Variants in MMP25 observed in about 807,000 individuals in gnomAD.
The protein encoded by MMP25 is matrix metallopeptidase 25.
MMP25 carries 68 observed loss-of-function variants against 62.1 expected under a neutral mutation model. The observed-to-expected ratio is 1.10, with a 90% CI of 0.90 to 1.34. The LOEUF is 1.34. Ranked by LOEUF, MMP25 falls within the 40% of genes most tolerant of loss-of-function variation. The pLI, the probability that MMP25 is intolerant of heterozygous loss-of-function variation, is 0.00. For synonymous variants in MMP25, 407 were observed against 345.6 expected, an observed-to-expected ratio of 1.18 and a Z score of -1.97; for missense variants, 942 against 792.5, an observed-to-expected ratio of 1.19 and a Z score of -2.26.
chr16:3,057,462 G>A, intron 6 of MMP25, 68 bp downstream of exon 6: 3 of 1,596,248 alleles, frequency 1.9e-6, no homozygotes, highest in Admixed American at 3.3e-5. Context: ...TCTGAGATGG[G>A]GATGGTGGGG....
In MMP25 at chr16:3,047,563, C is replaced by T. The variant is rs1183115710; in HGVS notation, c.232+16C>T. 25 of 1,608,956 alleles carry T rather than the reference C, an allele frequency of 1.6e-5. No individual in the cohort carries two copies. Among genetic ancestry groups the T allele is most frequent in the Non-Finnish European group, 1.8e-5 (21 of 1,178,284 alleles). ...GGCCGCATGGGTAGGTGGCCCCCACCCCTCCCCAGCCCTGCCTCTGCACCC... is the reference window on the plus strand; with the variant it reads ...GGCCGCATGGGTAGGTGGCCCCCACTCCTCCCCAGCCCTGCCTCTGCACCC... On this transcript the variant is annotated intron_variant, in intron 2 of 9. Transcript: ENST00000336577.
chr16:3,048,916 C>T (rs2151152758), intron 2 of MMP25, among the ~76,000 whole-genome samples: 1 of 151,856 alleles, frequency 6.6e-6, no homozygotes, highest in East Asian at 1.9e-4. Flanking sequence ...AGTGATTCTC[C>T]TGCCTCAGCC....
intron 1 of MMP25, 38 bp downstream of exon 1, chr16:3,047,054 G>A (rs1955831710): frequency 2.1e-6 from 3 of 1,397,854 alleles, no homozygotes; most frequent in South Asian, 3.1e-5. Context: ...GGTCTGCAGA[G>A]AGATTGGGAG....
Position 3,046,992 on chromosome 16 carries a change from G to C in MMP25, c.75G>C (p.Ser25=). 4 of 1,468,916 alleles carry C rather than the reference G, an allele frequency of 2.7e-6. No individual in the cohort carries two copies. The highest frequency in any genetic ancestry group is 3.6e-6 in the Non-Finnish European group (4 of 1,118,140). The allele number at this position is 1,468,916 out of a possible 1,614,324, so 91.0% of individuals were successfully genotyped here. ...CGCCCGCGCGCGCCCCGAAGCCCTC[G>C]GCGCAGGACGTGAGCCTGGGCGTGG... is the stretch of plus-strand genomic sequence containing the variant. ...LAPPARAPKP[S]AQDVSLGVDW... The change falls in exon 1 of 10, where the codon TCG becomes TCC. Residue 25 remains serine (S), a synonymous_variant. Transcript: ENST00000336577.
rs1270452455 is a variant in MMP25 at position 3,059,113 on chromosome 16, C to T, written c.*15C>T. The stretch of plus-strand genomic sequence containing the variant: ...CCTCCCGCTGATGGGGGGAGCCATC[C>T]AGACCGAACAGCGCCCTCCACGGCC... On this transcript the variant is annotated 3_prime_UTR_variant, in exon 10 of 10. Transcript: ENST00000336577. 6.6e-7 allele frequency: 1 copy of T among 1,522,398 alleles called. No individual in the cohort carries two copies. Among genetic ancestry groups the T allele is most frequent in the African/African-American group, 1.4e-5 (1 of 72,762 alleles). 94.3% of individuals were successfully genotyped at this position (1,522,398 alleles called of 1,614,324 possible).
intron 2 of MMP25, among the ~76,000 whole-genome samples, chr16:3,049,365 C>T (rs1955865713): frequency 6.6e-6 from 1 of 152,202 alleles, no homozygotes; most frequent in African/African-American, 2.4e-5. Flanking sequence ...GGCCCTGTGT[C>T]TGTCCTGGTG....
At position 3,058,199 on chromosome 16, in the gene MMP25, T is replaced by G. The variant is rs1956046675; in HGVS notation, c.1025T>G (p.Leu342Arg). 1 of 1,612,724 alleles carries G rather than the reference T, an allele frequency of 6.2e-7. No homozygotes were observed. The highest frequency in any genetic ancestry group is 8.5e-7 in the Non-Finnish European group (1 of 1,179,448). Residue 342 changes from leucine (L) to arginine (R), a missense_variant, in exon 8 of 10, where the codon CTC becomes CGC. By Grantham distance (102) the Leu-to-Arg change is moderately radical. Coordinates refer to ENST00000336577, the MANE Select transcript of MMP25 (RefSeq NM_022468.5). The part of the protein sequence containing the change: ...FFFKGPWFWR[L>R]QPSGQLVSPR... ...CCTGCAGGCCCCTGGTTCTGGCGCC[T>G]CCAGCCCTCCGGACAGCTGGTGTCC...
chr16:3,047,280 G>C, intron 1 of MMP25, 135 bp from the exon 2 acceptor site: 11 of 1,337,312 alleles, frequency 8.2e-6, no homozygotes, highest in Non-Finnish European at 1.0e-5. Context: ...CTATGGAGGG[G>C]AGCAGGCAGG....
At chr16:3,057,860 T>C (rs1956040316) in intron 7 of MMP25, 1 of 584,844 alleles carries the variant, frequency 1.7e-6, no homozygotes, top group African/African-American at 1.9e-5. Flanking sequence ...CACCACGCCT[T>C]GCTAGTAATT....
intron 4 of MMP25, chr16:3,053,607 G>C (rs553795617): frequency 4.6e-5 from 7 of 152,268 alleles, no homozygotes; most frequent in Admixed American, 2.0e-4. Flanking sequence ...AGCAGTCCAC[G>C]GGGGTTGGCG....
chr16:3,046,904 G>T lies in MMP25; in HGVS notation c.-14G>T. The T allele has an allele frequency of 7.0e-7, 1 of 1,420,570 alleles. No individual in the cohort carries two copies. The highest frequency in any genetic ancestry group is 1.4e-5 in the South Asian group (1 of 70,228). The allele number at this position is 1,420,570 out of a possible 1,614,324, so 88.0% of individuals were successfully genotyped here. On this transcript the variant is annotated 5_prime_UTR_variant, in exon 1 of 10. Coordinates refer to ENST00000336577, the MANE Select transcript of MMP25 (RefSeq NM_022468.5). ...CCCTTCGAACCCCGCCGGCGGCCCG[G>T]GCTGGGGCGCACCATGCGGCTGCGG... is the stretch of plus-strand genomic sequence containing the variant.
rs757720592 is a variant in MMP25 at position 3,057,561 on chromosome 16, G to A, written c.954G>A (p.Glu318=). The change falls in exon 7 of 10, where the codon GAG becomes GAA. Residue 318 remains glutamate (E), a synonymous_variant. Transcript: ENST00000336577. ...CCTTCCCCATCCCTGATCGATGTGA[G>A]GGCAATTTTGACGCCATCGCCAACA... ...SPSFPIPDRC[E]GNFDAIANIR... 1.9e-6 allele frequency: 3 copies of A among 1,614,016 alleles called. No homozygotes were observed.
At position 3,059,030 on chromosome 16, in the gene MMP25, G is replaced by A. The variant is rs1956070255; in HGVS notation, c.1621G>A (p.Gly541Arg). ...TCAGTGCGAGCTCAACCAGGCCGCA[G>A]GACGTTGGCCTGCTCCCATCCCGCT... is the stretch of plus-strand genomic sequence containing the variant. The part of the protein sequence containing the change: ...DCQCELNQAA[G>R]RWPAPIPLLL... The change falls in exon 10 of 10, where the codon GGA becomes AGA. Residue 541 changes from glycine (G) to arginine (R), a missense_variant. Coordinates refer to ENST00000336577, the MANE Select transcript of MMP25 (RefSeq NM_022468.5). 6.4e-7 allele frequency: 1 copy of A among 1,554,608 alleles called. No homozygotes were observed. The highest frequency in any genetic ancestry group is 8.7e-7 in the Non-Finnish European group (1 of 1,148,898).
chr16:3,048,608 A>G (rs1955854294), intron 2 of MMP25, among the ~76,000 whole-genome samples: 1 of 152,108 alleles, frequency 6.6e-6, no homozygotes, highest in Non-Finnish European at 1.5e-5. Context: ...ATGTGGAAGA[A>G]GAGTGTCCCG....
rs1458501160 is a variant in MMP25 at position 3,058,456 on chromosome 16, G to C, written c.1204G>C (p.Ala402Pro). 10 of 1,595,006 alleles carry C rather than the reference G, an allele frequency of 6.3e-6. No individual in the cohort carries two copies. Among genetic ancestry groups the C allele is most frequent in the Admixed American group, 3.5e-5 (2 of 57,372 alleles). Residue 402 changes from alanine to proline, a missense_variant, in exon 9 of 10, where the codon GCG becomes CCG. Physicochemically the swap from Ala to Pro is conservative, Grantham distance 27. Transcript: ENST00000336577. ...CCAGGACCGGCAGCTGGAGGGCGGG[G>C]CGCGGCCGCTCACGGAGCTGGGGCT... The part of the protein sequence containing the change: ...VFQDRQLEGG[A>P]RPLTELGLPP...
At chr16:3,052,082 T>A (rs1032957869) in intron 4 of MMP25, 1 of 152,068 alleles carries the variant, frequency 6.6e-6, no homozygotes, top group Non-Finnish European at 1.5e-5. Flanking sequence ...GCCGAGATCG[T>A]GCCACTGCAC....
chr16:3,057,785 A>C, intron 7 of MMP25, 172 bp downstream of exon 7: 1 of 660,056 alleles, frequency 1.5e-6, no homozygotes, highest in Non-Finnish European at 2.7e-6. Context: ...TGCAGCCTCA[A>C]AATACTGGGC....
chr16:3,059,387 C>G lies in MMP25; in HGVS notation c.*289C>G, dbSNP rs1001724543. 1.8e-4 allele frequency: 58 copies of G among 316,784 alleles called. No homozygotes were observed. The highest frequency in any genetic ancestry group is 8.0e-4 in the Middle Eastern group (1 of 1,246). The allele number at this position is 316,784 out of a possible 1,614,324, so 19.6% of individuals were successfully genotyped here. A position where few individuals can be genotyped will look rare whatever the true frequency, so the allele number is the denominator to read the frequency against. ...ACCATGCGTCGGTCGTCGCCCCCGT[C>G]GTTCCCTCCCGGCTGCCGCCAGGGG... On this transcript the variant is annotated 3_prime_UTR_variant, in exon 10 of 10. Transcript: ENST00000336577.
intron 2 of MMP25, among the ~76,000 whole-genome samples, chr16:3,049,046 G>A (rs1406890845): frequency 2.6e-5 from 4 of 151,962 alleles, no homozygotes; most frequent in Admixed American, 6.6e-5. Flanking sequence ...AGCCTCAAGC[G>A]ATCAGCCCAC....
Sources: gnomAD v4.1 joint callset for allele counts (sites outside exome capture counted in the v4.1 genomes callset) on GRCh38, gnomAD v4.1.1 for gene constraint, MANE v1.5 for transcripts, NCBI Gene and HGNC (gene_info 2026-07-23, HGNC 2026-07-21) for gene names.